Variants in PADI2 observed in about 807,000 individuals in gnomAD.
PADI2 encodes peptidyl arginine deiminase 2.
A neutral mutation model predicts 81.1 loss-of-function variants in PADI2; 70 were observed. That is an observed-to-expected ratio of 0.86 (90% CI 0.71 to 1.05). The LOEUF is 1.05. PADI2 is among the 50% of genes least tolerant of loss of function. The pLI is 0.00. For missense variants in PADI2, 853 were observed against 889.9 expected (o/e 0.96, Z 0.53); for synonymous variants, 338 against 358.0 (o/e 0.94, Z 0.63).
chr1:17,084,682 G>T lies in PADI2; in HGVS notation c.855C>A (p.Ile285=). 1 of 1,559,490 alleles carries T rather than the reference G, an allele frequency of 6.4e-7. No homozygotes were observed. Among genetic ancestry groups the T allele is most frequent in the Non-Finnish European group, 8.7e-7 (1 of 1,151,400 alleles). The change falls in exon 8 of 16, where the codon ATC becomes ATA. Residue 285 remains isoleucine (I), a synonymous_variant. Coordinates refer to ENST00000375486, the MANE Select transcript of PADI2 (RefSeq NM_007365.3). The part of the protein sequence containing the change: ...YMAQDIPLTP[I]FTDTVIFRIA... ...TCCGGAATATCACGGTGTCCGTGAA[G>T]ATGGGAGTCAGGGGAATGTCCTGGG...
Position 17,115,973 on chromosome 1 carries a change from C to T in PADI2, c.92+3307G>A, listed in dbSNP as rs911861143. On this transcript the variant is annotated intron_variant, in intron 1 of 15. Coordinates refer to ENST00000375486, the MANE Select transcript of PADI2 (RefSeq NM_007365.3). This position sits in a 1 kb window ranked among gnomAD's most constrained non-coding sequence, Gnocchi z 4.1. ...AGGGGGGCCAGTTTTGCTGGGAGAGCGTGGGTGGCCCAGAGCACCCCTGCC... is the reference window on the plus strand; with the variant it reads ...AGGGGGGCCAGTTTTGCTGGGAGAGTGTGGGTGGCCCAGAGCACCCCTGCC... Among the ~76,000 whole-genome samples, 2 of 152,136 alleles carry T rather than the reference C, an allele frequency of 1.3e-5. No homozygotes were observed. The highest frequency in any genetic ancestry group is 2.9e-5 in the Non-Finnish European group (2 of 68,010).
In PADI2 at chr1:17,115,711, G is replaced by A. The variant is rs1362683512; in HGVS notation, c.92+3569C>T. 6.6e-6 allele frequency among the ~76,000 whole-genome samples: 1 copy of A among 152,250 alleles called. No homozygotes were observed. The highest frequency in any genetic ancestry group is 1.9e-4 in the East Asian group (1 of 5,200). On this transcript the variant is annotated intron_variant, in intron 1 of 15. Transcript: ENST00000375486. This position sits in a 1 kb window ranked among gnomAD's most constrained non-coding sequence, Gnocchi z 4.1. The stretch of plus-strand genomic sequence containing the variant: ...GATGGGGACCCAGGCCAGCCCCACT[G>A]AAGAAGTGACTGTCGGCTAAAGGGA...
chr1:17,084,814 T>C lies in PADI2; in HGVS notation c.835-112A>G, dbSNP rs571982539. On this transcript the variant is annotated intron_variant, in intron 7 of 15. Transcript: ENST00000375486. ...ACAGTGAATACATTTCCTCAGGACT[T>C]GCTATGCACCAAGCCTGTGCTAAGT... The C allele has an allele frequency of 2.1e-4, 138 of 661,366 alleles. No individual in the cohort carries two copies. The African/African-American group carries it at 2.1e-3, about 10-fold the overall frequency. The allele number at this position is 661,366 out of a possible 1,614,324, so 41.0% of individuals were successfully genotyped here.
At chr1:17,086,376 T>C in intron 7 of PADI2, 145 bp downstream of exon 7, 1 of 626,280 alleles carries the variant, frequency 1.6e-6, no homozygotes. Context: ...CAGGCTTTGC[T>C]GGGGGGCATC....
At position 17,119,364 on chromosome 1, in the gene PADI2, CGCAGCA is replaced by C; in HGVS notation, c.2_7del (p.MetLeuArg1_?3). The C allele has an allele frequency of 6.5e-7, 1 of 1,533,610 alleles. No individual in the cohort carries two copies. The highest frequency in any genetic ancestry group is 8.8e-7 in the Non-Finnish European group (1 of 1,140,416). ...GTACTGCAGCCGCACGGTCCGCTCG[CGCAGCA>C]TCCTCCCCGCCGCAGTGCCCGCGCT... On this transcript the variant is annotated start_lost and inframe_deletion, in exon 1 of 16. Transcript: ENST00000375486. The surrounding 1 kb of genome is among the most constrained non-coding windows in gnomAD (Gnocchi z 4.8).
At chr1:17,086,461 T>C in intron 7 of PADI2, 60 bp downstream of exon 7, 1 of 1,421,630 alleles carries the variant, frequency 7.0e-7, no homozygotes, top group Non-Finnish European at 9.6e-7. Flanking sequence ...GGCCCACTAG[T>C]AGGAGACCCA....
In PADI2 at chr1:17,102,998, A is replaced by C. The variant is rs1931203914; in HGVS notation, c.338T>G (p.Leu113Arg). The C allele has an allele frequency of 6.2e-7, 1 of 1,610,788 alleles. No homozygotes were observed. The highest frequency in any genetic ancestry group is 1.3e-5 in the African/African-American group (1 of 74,854). ...CCATGCCAACTCACCAATGGCTGTG[A>C]GGAAGAGCCCCGCCTGGTCGATGGG... ...SIPIDQAGLF[L>R]TAIEISLDVD... The change falls in exon 3 of 16, where the codon CTC (leucine) becomes CGC (arginine). Residue 113 changes from leucine (L) to arginine (R), a missense_variant. Physicochemically the swap from Leu to Arg is moderately radical, Grantham distance 102. Transcript: ENST00000375486.
chr1:17,116,420 G>T (rs766630617), intron 1 of PADI2, among the ~76,000 whole-genome samples: 3 of 152,202 alleles, frequency 2.0e-5, no homozygotes, highest in Non-Finnish European at 4.4e-5. Flanking sequence ...CCCGGGCCTT[G>T]TTCCTTGGGG....
chr1:17,071,327 G>A (rs898842701), intron 14 of PADI2, 79 bp downstream of exon 14: 165 of 1,067,286 alleles, frequency 1.5e-4, no homozygotes, highest in African/African-American at 9.2e-4. Flanking sequence ...CATTCTCTAC[G>A]GAAGCCCCAA....
At chr1:17,082,454 G>T in intron 10 of PADI2, 91 bp downstream of exon 10, 1 of 807,530 alleles carries the variant, frequency 1.2e-6, no homozygotes, top group African/African-American at 1.7e-5. Context: ...GCAGATGAAT[G>T]TGTCAAGGCG....
At chr1:17,084,781 A>G in intron 7 of PADI2, 79 bp from the exon 8 acceptor site, 2 of 808,098 alleles carry the variant, frequency 2.5e-6, no homozygotes, top group South Asian at 1.6e-5. Flanking sequence ...AAGCGGGTGA[A>G]ACTGATGACA....
chr1:17,100,021 C>T (rs1931085036), intron 3 of PADI2, among the ~76,000 whole-genome samples: 1 of 143,642 alleles, frequency 7.0e-6, no homozygotes, highest in African/African-American at 2.7e-5. Context: ...AGGGGACAGT[C>T]CCAGCCTCTC....
At position 17,083,758 on chromosome 1, in the gene PADI2, G is replaced by A. The variant is rs142403504; in HGVS notation, c.1018C>T (p.Gln340Ter). 4,010 of 1,613,590 alleles carry A rather than the reference G, an allele frequency of 2.5e-3. 7 individuals are homozygous for A. The highest frequency in any genetic ancestry group is 3.1e-3 in the Non-Finnish European group (3,670 of 1,179,470). ...CAGCGATCGCCTCGGTTTAGGTACT[G>A]GAAGCAGACCTTCAGCTCACAGTTG... ...KTNCELKVCF[Q>*]YLNRGDRWIQ... is the part of the protein sequence containing the mutation. Residue 340 changes from glutamine to a stop codon, truncating the protein, a stop_gained, in exon 9 of 16, where the codon CAG (glutamine) becomes TAG (stop). Transcript: ENST00000375486. LOFTEE classifies it high-confidence loss of function.
intron 3 of PADI2, among the ~76,000 whole-genome samples, chr1:17,100,858 C>T (rs921459205): frequency 2.6e-5 from 4 of 151,670 alleles, no homozygotes; most frequent in Non-Finnish European, 5.9e-5. Context: ...GATGTGGTTT[C>T]GCCACATTGG....
chr1:17,111,283 C>T (rs760078383), intron 1 of PADI2, among the ~76,000 whole-genome samples: 46 of 151,750 alleles, frequency 3.0e-4, no homozygotes, highest in Non-Finnish European at 5.6e-4. Context: ...TTAGTAGAGA[C>T]GGGGTTTCAC....
intron 11 of PADI2, 102 bp downstream of exon 11, chr1:17,079,162 C>G: frequency 1.0e-6 from 1 of 970,998 alleles, no homozygotes; most frequent in East Asian, 2.5e-5. Flanking sequence ...GAATAATTCC[C>G]CCAGCCACTT....
At chr1:17,071,354 G>A in intron 14 of PADI2, 52 bp downstream of exon 14, 1 of 1,365,356 alleles carries the variant, frequency 7.3e-7, no homozygotes, top group Non-Finnish European at 1.0e-6. Flanking sequence ...AAGGGCCTGA[G>A]CCTCATCCCT....
At chr1:17,114,465 C>T (rs1472073460) in intron 1 of PADI2, among the ~76,000 whole-genome samples, 1 of 152,138 alleles carries the variant, frequency 6.6e-6, no homozygotes, top group Non-Finnish European at 1.5e-5. Flanking sequence ...ACACTCCTTC[C>T]TTCAGTTTCC....
chr1:17,080,646 G>A (rs992338034), intron 10 of PADI2, among the ~76,000 whole-genome samples: 6 of 152,176 alleles, frequency 3.9e-5, no homozygotes, highest in African/African-American at 1.4e-4. Flanking sequence ...TGCCAGACTT[G>A]CCACTGAGCC....
Sources: allele counts gnomAD v4.1 joint callset (sites outside exome capture counted in the v4.1 genomes callset), GRCh38; gene constraint gnomAD v4.1.1; non-coding constraint Gnocchi (gnomAD v3.1); transcripts MANE v1.5; gene names NCBI Gene and HGNC (gene_info 2026-07-23, HGNC 2026-07-21).